The following EXT1 variants were observed in gnomAD, a reference collection of about 807,000 sequenced individuals.
EXT1 encodes the protein exostosin glycosyltransferase 1, also known as exostosin-1.
In EXT1, 20 loss-of-function variants were observed where a neutral mutation model predicts 82.5. The observed-to-expected ratio is 0.24, with a 90% confidence interval of 0.17 to 0.35. The LOEUF (loss-of-function observed/expected upper bound fraction) is 0.35, where lower values mean the gene tolerates loss of function less well. Ranked by LOEUF, EXT1 falls within the 10% of genes least tolerant of loss-of-function variation. EXT1 has a pLI of 1.00. For synonymous variants in EXT1, 348 were observed against 350.8 expected (o/e 0.99, Z 0.09); for missense variants, 757 against 936.5 (o/e 0.81, Z 2.50).
intron 2 of EXT1, among the ~76,000 whole-genome samples, chr8:117,836,516 A>G (rs1275351340): frequency 6.6e-6 from 1 of 152,212 alleles, no homozygotes; most frequent in Non-Finnish European, 1.5e-5. Flanking sequence ...TCTCTCTGCA[A>G]TCAAAGAAGG....
intron 1 of EXT1, among the ~76,000 whole-genome samples, chr8:117,971,982 T>C (rs1213823592): frequency 6.6e-6 from 1 of 151,766 alleles, no homozygotes; most frequent in Non-Finnish European, 1.5e-5. Flanking sequence ...GAAACCCTGT[T>C]TCTTCTAAAA....
At chr8:117,833,530 G>A (rs1228416380) in intron 3 of EXT1, among the ~76,000 whole-genome samples, 4 of 152,000 alleles carry the variant, frequency 2.6e-5, no homozygotes, top group East Asian at 1.9e-4. Flanking sequence ...CAGAAGAATC[G>A]CTTAAACCCG....
chr8:118,110,516 T>C lies in EXT1; in HGVS notation c.531A>G (p.Lys177=). 1 of 1,614,160 alleles carries C rather than the reference T, an allele frequency of 6.2e-7. No homozygotes were observed. Among genetic ancestry groups the C allele is most frequent in the Non-Finnish European group, 8.5e-7 (1 of 1,180,030 alleles). ...SPQYVHNLRS[K]VQSLHLWNNG... is the part of the protein sequence containing the mutation. The stretch of plus-strand genomic sequence containing the variant: ...TGTTCCACAAGTGGAGACTCTGCAC[T>C]TTGGATCTCAAATTGTGCACATACT... The change falls in exon 1 of 11, where the codon AAA becomes AAG. Residue 177 remains lysine (K), a synonymous_variant. Coordinates refer to ENST00000378204, the MANE Select transcript of EXT1 (RefSeq NM_000127.3).
intron 1 of EXT1, among the ~76,000 whole-genome samples, chr8:118,016,636 A>G (rs975734473): frequency 6.6e-6 from 1 of 152,190 alleles, no homozygotes; most frequent in African/African-American, 2.4e-5. Context: ...GGCTGCAGTA[A>G]AGGCCATCTT....
At chr8:117,888,617 A>G (rs1363951961) in intron 1 of EXT1, among the ~76,000 whole-genome samples, 2 of 152,288 alleles carry the variant, frequency 1.3e-5, no homozygotes, top group African/African-American at 4.8e-5. Context: ...CTGATCTCAG[A>G]TTTTAGCTAA....
In EXT1 at chr8:118,103,203, G is replaced by T. The variant is rs567606173; in HGVS notation, c.962+6882C>A. On this transcript the variant is annotated intron_variant, in intron 1 of 10. Transcript: ENST00000378204. ...GCTCTATTGTCCAGGGTGGAGTGCA[G>T]TGGTGCCATCATCAGTCACTGCAGC... Among the ~76,000 whole-genome samples the T allele has an allele frequency of 2.7e-4, 41 of 152,250 alleles. 1 individual carries two copies. The South Asian group carries it at 8.5e-3, about 32-fold the overall frequency.
intron 1 of EXT1, among the ~76,000 whole-genome samples, chr8:117,864,863 CTGT>C (rs1812749331): frequency 6.6e-6 from 1 of 151,892 alleles, no homozygotes; most frequent in Admixed American, 6.6e-5. Context: ...GGCACAAGGG[CTGT>C]GGGATGGACA....
intron 7 of EXT1, among the ~76,000 whole-genome samples, chr8:117,816,270 G>A (rs368805862): frequency 2.2e-4 from 34 of 152,062 alleles, no homozygotes; most frequent in African/African-American, 7.5e-4. Flanking sequence ...TGACTTTAGA[G>A]CCCATAATAC....
intron 1 of EXT1, among the ~76,000 whole-genome samples, chr8:118,058,745 A>G (rs1488063930): frequency 6.6e-6 from 1 of 152,234 alleles, no homozygotes; most frequent in Non-Finnish European, 1.5e-5. Flanking sequence ...ATATAAACAT[A>G]TGGATGGATA....
chr8:117,933,400 C>T (rs1814099393), intron 1 of EXT1, among the ~76,000 whole-genome samples: 1 of 152,144 alleles, frequency 6.6e-6, no homozygotes, highest in Admixed American at 6.5e-5. Context: ...CGCACACCAT[C>T]ACGCCCAGCT....
intron 1 of EXT1, among the ~76,000 whole-genome samples, chr8:117,861,375 T>A (rs1812680589): frequency 6.6e-6 from 1 of 152,190 alleles, no homozygotes; most frequent in Non-Finnish European, 1.5e-5. Flanking sequence ...GCCAATAAAG[T>A]CTATCTTCTC....
chr8:117,887,589 A>G (rs914629150), intron 1 of EXT1, among the ~76,000 whole-genome samples: 3 of 151,904 alleles, frequency 2.0e-5, no homozygotes, highest in African/African-American at 7.3e-5. Flanking sequence ...TGACCTCGTG[A>G]TCTGCCCAGC....
rs1479522567 is a variant in EXT1, at chr8:118,111,686, G to A, written c.-640C>T. Reference sequence around the variant, plus strand: ...GGGGCCGGCCCCCGGGACGCGCGGCGGCCCGGCTGGAGGCGGCGGCGGCGG... The same window carrying A: ...GGGGCCGGCCCCCGGGACGCGCGGCAGCCCGGCTGGAGGCGGCGGCGGCGG... On this transcript the variant is annotated 5_prime_UTR_variant, in exon 1 of 11. Coordinates refer to ENST00000378204, the MANE Select transcript of EXT1 (RefSeq NM_000127.3). 3.8e-6 allele frequency: 1 copy of A among 261,060 alleles called. No individual in the cohort carries two copies. Among genetic ancestry groups the A allele is most frequent in the African/African-American group, 2.3e-5 (1 of 44,374 alleles). The allele number at this position is 261,060 out of a possible 1,614,324, so 16.2% of individuals were successfully genotyped here.
chr8:118,099,468 T>G (rs1002787822), intron 1 of EXT1, among the ~76,000 whole-genome samples: 1 of 152,234 alleles, frequency 6.6e-6, no homozygotes, highest in Non-Finnish European at 1.5e-5. Context: ...AATTCTAGGT[T>G]AGAAATCCAA....
At chr8:118,027,789 C>T (rs1416448333) in intron 1 of EXT1, among the ~76,000 whole-genome samples, 3 of 152,204 alleles carry the variant, frequency 2.0e-5, no homozygotes, top group Admixed American at 6.5e-5. Context: ...ACGTAAATGA[C>T]GCTAAACAAC....
At chr8:117,818,753 TAAACAAAC>T (rs911236989) in intron 6 of EXT1, among the ~76,000 whole-genome samples, 1 of 150,582 alleles carries the variant, frequency 6.6e-6, no homozygotes, top group Non-Finnish European at 1.5e-5. Context: ...AGCAAACAAA[TAAACAAAC>T]AAACAAACAA....
intron 1 of EXT1, among the ~76,000 whole-genome samples, chr8:117,980,827 A>G (rs1262084578): frequency 6.6e-6 from 1 of 151,338 alleles, no homozygotes; most frequent in African/African-American, 2.4e-5. Flanking sequence ...TCTCTTGTAA[A>G]CAAAAAGGCC....
In EXT1 at chr8:118,038,498, C is replaced by G. The variant is rs955032464; in HGVS notation, c.962+71587G>C. ...CTCTCTGCTAGCTGACTAATGAAAC[C>G]TAGGTGGCTTTAATTTTAATTTAAA... On this transcript the variant is annotated intron_variant, in intron 1 of 10. Coordinates refer to ENST00000378204, the MANE Select transcript of EXT1 (RefSeq NM_000127.3). Among the ~76,000 whole-genome samples, 6 of 152,154 alleles carry G rather than the reference C, an allele frequency of 3.9e-5. No homozygotes were observed. In the East Asian group the frequency reaches 1.2e-3, roughly 29 times the overall value.
chr8:118,043,969 T>C (rs961412400), intron 1 of EXT1, among the ~76,000 whole-genome samples: 3 of 152,234 alleles, frequency 2.0e-5, no homozygotes, highest in Non-Finnish European at 4.4e-5. Context: ...TTTAAGTCTA[T>C]TAAAAGTCAA....
Sources: allele counts gnomAD v4.1 joint callset (sites outside exome capture counted in the v4.1 genomes callset), GRCh38; gene constraint gnomAD v4.1.1; transcripts MANE v1.5; gene names NCBI Gene and HGNC (gene_info 2026-07-23, HGNC 2026-07-21).